Variants in NELFA observed in about 807,000 individuals in gnomAD.
The protein encoded by NELFA is negative elongation factor complex member A, also known as negative elongation factor A.
Under a neutral mutation model 51.8 loss-of-function variants are expected in NELFA, and 35 were observed. That is an observed-to-expected ratio of 0.68 (90% confidence interval 0.52 to 0.90). The LOEUF is 0.90. Among genes scored for constraint, NELFA ranks in the 40% least tolerant of loss-of-function variants. The probability of loss-of-function intolerance (pLI) is 0.00; values close to 1 mark genes in which losing one functional copy is unlikely to be tolerated. For synonymous variants in NELFA, 417 were observed against 338.4 expected (o/e 1.23, Z -2.55); for missense variants, 658 against 746.4 (o/e 0.88, Z 1.38).
chr4:2,001,712 G>A (rs1430350814), intron 1 of NELFA, among the ~76,000 whole-genome samples: 1 of 152,114 alleles, frequency 6.6e-6, no homozygotes, highest in Non-Finnish European at 1.5e-5. Context: ...AGACCAGCCT[G>A]GCCAACGTGG....
At chr4:2,008,494 G>A in intron 1 of NELFA, among the ~76,000 whole-genome samples, 1 of 148,092 alleles carries the variant, frequency 6.8e-6, no homozygotes, top group African/African-American at 2.5e-5. Flanking sequence ...GGGTCCTGAA[G>A]ACCCACGGTG....
chr4:1,995,991 CA>C (rs1032094478), intron 1 of NELFA, among the ~76,000 whole-genome samples: 1 of 150,312 alleles, frequency 6.7e-6, no homozygotes, highest in Non-Finnish European at 1.5e-5. Context: ...ACCTTTAAAA[CA>C]AAAAACAGTT....
intron 1 of NELFA, among the ~76,000 whole-genome samples, chr4:2,002,710 T>C (rs1728612410): frequency 6.6e-6 from 1 of 152,188 alleles, no homozygotes; most frequent in African/African-American, 2.4e-5. Flanking sequence ...ACCTCTTCCT[T>C]ACACCTCATA....
intron 1 of NELFA, among the ~76,000 whole-genome samples, chr4:2,008,305 T>C (rs1205379203): frequency 1.4e-5 from 2 of 142,892 alleles, no homozygotes; most frequent in Non-Finnish European, 3.1e-5. Context: ...CGGGTGGGGA[T>C]GAGTACCCGG....
intron 1 of NELFA, chr4:2,008,125 G>A (rs2109071701): frequency 6.8e-6 from 3 of 439,254 alleles, no homozygotes; most frequent in South Asian, 3.1e-5. Flanking sequence ...CCTCACGCGG[G>A]GGTTTCTCTC....
chr4:1,985,248 G>A (rs531329910), intron 7 of NELFA, among the ~76,000 whole-genome samples: 19 of 152,368 alleles, frequency 1.2e-4, no homozygotes, highest in Admixed American at 1.0e-3. Flanking sequence ...AAGAAACACA[G>A]AACACGCAGC....
chr4:1,983,614 A>G lies in NELFA; in HGVS notation c.1384T>C (p.Phe462Leu). 1 of 1,614,054 alleles carries G rather than the reference A, an allele frequency of 6.2e-7. No homozygotes were observed. The highest frequency in any genetic ancestry group is 8.5e-7 in the Non-Finnish European group (1 of 1,179,986). The change falls in exon 10 of 11, where the codon TTC becomes CTC. Residue 462 changes from phenylalanine (F) to leucine (L), a missense_variant. This residue lies in a region of NELFA where 87 missense variants were observed against 130.2 expected (regional missense o/e 0.67). Coordinates refer to ENST00000382882, the MANE Select transcript of NELFA (RefSeq NM_005663.5). ...AACATACCTCGGGAGCCGGCCATGA[A>G]GCCCAGGATGAGGGCCTTCTCGGGC... ...TRPEKALILG[F>L]MAGSRENPCQ...
chr4:1,992,061 G>T, intron 1 of NELFA: 1 of 234,522 alleles, frequency 4.3e-6, no homozygotes. Flanking sequence ...CACTGCTCCC[G>T]CAGAAAGCCT....
chr4:1,986,295 G>C lies in NELFA; in HGVS notation c.742C>G (p.Leu248Val), dbSNP rs1728092557. Residue 248 changes from leucine to valine, a missense_variant, in exon 5 of 11, where the codon CTG becomes GTG. By Grantham distance (32) the Leu-to-Val change is conservative. Transcript: ENST00000382882. ...ACCTTCACACCTCGTTCCTTCCGCA[G>C]CAGCGTCCTGGAAGGCGGGATGGGG... ...RTPIPPSRTLLRKERGVKLLD... is the reference protein window; with the variant it reads ...RTPIPPSRTLVRKERGVKLLD... 3 of 1,587,024 alleles carry C rather than the reference G, an allele frequency of 1.9e-6. No homozygotes were observed. Among genetic ancestry groups the C allele is most frequent in the South Asian group, 2.3e-5 (2 of 87,426 alleles).
Position 1,984,017 on chromosome 4 carries a change from T to C in NELFA, c.1133A>G (p.Asn378Ser), listed in dbSNP as rs1466802413. The change falls in exon 9 of 11, where the codon AAC (asparagine) becomes AGC (serine). Residue 378 changes from asparagine to serine, a missense_variant. Transcript: ENST00000382882. ...AQFKQRAPMYNSGLSPATPTP... is the reference protein window; with the variant it reads ...AQFKQRAPMYSSGLSPATPTP... ...GGGTGTGGCAGGGCTCAGGCCGCTG[T>C]TGTACATGGGCGCCCGCTGCTTGAA... 9 of 1,608,246 alleles carry C rather than the reference T, an allele frequency of 5.6e-6. No homozygotes were observed. Among genetic ancestry groups the C allele is most frequent in the African/African-American group, 2.7e-5 (2 of 74,864 alleles).
At chr4:2,004,809 C>CTT (rs760686190) in intron 1 of NELFA, among the ~76,000 whole-genome samples, 11 of 119,600 alleles carry the variant, frequency 9.2e-5, no homozygotes, top group African/African-American at 1.9e-4. Flanking sequence ...TTTAATAAAG[C>CTT]TTTTTTTTTT....
At chr4:1,993,866 T>C (rs1728352741) in intron 1 of NELFA, among the ~76,000 whole-genome samples, 1 of 148,548 alleles carries the variant, frequency 6.7e-6, no homozygotes, top group East Asian at 2.1e-4. Context: ...AATGGCAGGA[T>C]CTCGGCTCAC....
At position 1,983,441 on chromosome 4, in the gene NELFA, G is replaced by A; in HGVS notation, c.1465C>T (p.Leu489=). 1 of 1,614,238 alleles carries A rather than the reference G, an allele frequency of 6.2e-7. No individual in the cohort carries two copies. Among genetic ancestry groups the A allele is most frequent in the Non-Finnish European group, 8.5e-7 (1 of 1,180,044 alleles). ...QIKLSEHTED[L]PKADGQGSTT... Reference sequence around the variant, plus strand: ...CTACCCTGGCCGTCCGCCTTGGGCAGGTCCTCCGTGTGCTCGCTCAGCTTG... The same window carrying A: ...CTACCCTGGCCGTCCGCCTTGGGCAAGTCCTCCGTGTGCTCGCTCAGCTTG... The change falls in exon 11 of 11, where the codon CTG becomes TTG. Residue 489 remains leucine, a synonymous_variant. Transcript: ENST00000382882.
intron 9 of NELFA, 58 bp downstream of exon 9, chr4:1,983,790 G>T: frequency 6.3e-7 from 1 of 1,591,140 alleles, no homozygotes; most frequent in African/African-American, 1.3e-5. Flanking sequence ...GCTAGGGGAG[G>T]TGGCCAGGGC....
chr4:1,993,537 C>G (rs1006598689), intron 1 of NELFA, among the ~76,000 whole-genome samples: 1 of 146,266 alleles, frequency 6.8e-6, no homozygotes, highest in Non-Finnish European at 1.5e-5. Context: ...GAGATCGCAC[C>G]ATTGCACTCC....
chr4:1,988,146 G>A (rs917965736), intron 3 of NELFA, 139 bp from the exon 4 acceptor site: 25 of 694,268 alleles, frequency 3.6e-5, no homozygotes, highest in Admixed American at 1.2e-4. Flanking sequence ...CAGCTGTTCC[G>A]AGCCGGGCCT....
chr4:1,986,319 G>T lies in NELFA; in HGVS notation c.718C>A (p.Pro240Thr). The T allele has an allele frequency of 6.3e-7, 1 of 1,595,470 alleles. No individual in the cohort carries two copies. Among genetic ancestry groups the T allele is most frequent in the Non-Finnish European group, 8.5e-7 (1 of 1,171,160 alleles). ...SVFSPTGNRT[P>T]IPPSRTLLRK... ...AGCAGCGTCCTGGAAGGCGGGATGG[G>T]GGTCCGGTTCCCTGTGGGGCTGAAG... The change falls in exon 5 of 11, where the codon CCC (proline) becomes ACC (threonine). Residue 240 changes from proline to threonine, a missense_variant. Pro to Thr is a conservative substitution (Grantham distance 38, BLOSUM62 -1). This residue lies in a region of NELFA where 371 missense variants were observed against 448.3 expected (regional missense o/e 0.83). Transcript: ENST00000382882.
At chr4:1,994,954 G>A (rs1231025982) in intron 1 of NELFA, among the ~76,000 whole-genome samples, 1 of 152,174 alleles carries the variant, frequency 6.6e-6, no homozygotes, top group Admixed American at 6.5e-5. Flanking sequence ...CCATGCATAA[G>A]GTTAACCTTA....
chr4:1,985,757 G>A lies in NELFA; in HGVS notation c.924+19C>T, dbSNP rs1395752664. 6.2e-7 allele frequency: 1 copy of A among 1,608,740 alleles called. No individual in the cohort carries two copies. Among genetic ancestry groups the A allele is most frequent in the Non-Finnish European group, 8.5e-7 (1 of 1,176,616 alleles). On this transcript the variant is annotated intron_variant, in intron 7 of 10. Coordinates refer to ENST00000382882, the MANE Select transcript of NELFA (RefSeq NM_005663.5). ...CACCCGCAGTGGTGCCAGACATGGGGTGCAGCCCCGAGCCCTACCTGCGTG... is the reference window on the plus strand; with the variant it reads ...CACCCGCAGTGGTGCCAGACATGGGATGCAGCCCCGAGCCCTACCTGCGTG...
Sources: gnomAD v4.1 joint callset for allele counts (sites outside exome capture counted in the v4.1 genomes callset) on GRCh38, gnomAD v4.1.1 for gene constraint, gnomAD v4.1.1 regional missense constraint, MANE v1.5 for transcripts, NCBI Gene and HGNC (gene_info 2026-07-23, HGNC 2026-07-21) for gene names.